Variants in ASB5 observed in about 807,000 individuals in gnomAD.
ASB5 encodes the protein ankyrin repeat and SOCS box protein 5.
A neutral mutation model predicts 42.1 loss-of-function variants in ASB5; 45 were observed. The ratio of observed to expected loss-of-function variants is 1.07; its 90% confidence interval spans 0.84 to 1.37. The LOEUF is 1.37. Ranked by LOEUF, ASB5 falls within the 40% of genes most tolerant of loss-of-function variation. The pLI, the probability that ASB5 is intolerant of heterozygous loss-of-function variation, is 0.00. For synonymous variants in ASB5, 147 were observed against 150.6 expected, an observed-to-expected ratio of 0.98 and a Z score of 0.18; for missense variants, 402 against 399.8, an observed-to-expected ratio of 1.01 and a Z score of -0.05.
upstream of ASB5, chr4:176,269,281 A>G (rs1423665666): frequency 6.8e-6 from 3 of 444,190 alleles, no homozygotes; most frequent in Non-Finnish European, 7.8e-6. Context: ...GCAAACTCCT[A>G]TTGGTCTGAA....
intron 1 of ASB5, among the ~76,000 whole-genome samples, chr4:176,226,270 C>A (rs914315245): frequency 7.2e-5 from 11 of 152,072 alleles, no homozygotes; most frequent in Non-Finnish European, 1.6e-4. Context: ...ACACTCTCCT[C>A]GAGTTGGGAC....
chr4:176,264,038 T>C (rs983042594), intron 1 of ASB5, among the ~76,000 whole-genome samples: 1 of 117,818 alleles, frequency 8.5e-6, no homozygotes, highest in African/African-American at 3.1e-5. Context: ...ACCACAGACT[T>C]GACAAAAAAA....
At chr4:176,218,123 CTATA>C (rs796721294) in intron 5 of ASB5, among the ~76,000 whole-genome samples, 1 of 139,346 alleles carries the variant, frequency 7.2e-6, no homozygotes, top group African/African-American at 2.7e-5. Context: ...ACAGTAATTT[CTATA>C]TATATATATT....
intron 2 of ASB5, among the ~76,000 whole-genome samples, chr4:176,223,951 C>G (rs1579313426): frequency 6.6e-6 from 1 of 152,114 alleles, no homozygotes; most frequent in Admixed American, 6.6e-5. Context: ...TTCCTCCCAT[C>G]AAGTGATGAA....
At chr4:176,236,841 A>G (rs2126959710) in intron 1 of ASB5, among the ~76,000 whole-genome samples, 1 of 152,222 alleles carries the variant, frequency 6.6e-6, no homozygotes, top group African/African-American at 2.4e-5. Flanking sequence ...TCTATCTTTC[A>G]TAGTTTTCTA....
chr4:176,214,999 GA>G lies in ASB5; in HGVS notation c.*600del, dbSNP rs1752927263. 6.8e-6 allele frequency: 1 copy of G among 146,928 alleles called. No individual in the cohort carries two copies. Among genetic ancestry groups the G allele is most frequent in the African/African-American group, 2.5e-5 (1 of 39,746 alleles). 9.1% of individuals were successfully genotyped at this position (146,928 alleles called of 1,614,324 possible). On this transcript the variant is annotated 3_prime_UTR_variant, in exon 7 of 7. Transcript: ENST00000296525. The stretch of plus-strand genomic sequence containing the variant: ...CTGTAACAAGTCCATGTACTATGGA[GA>G]AGAGAAGTGACTTGTGAGTCCTTTG...
intron 5 of ASB5, among the ~76,000 whole-genome samples, chr4:176,219,292 AT>A (rs1753101633): frequency 9.0e-6 from 1 of 110,848 alleles, no homozygotes; most frequent in African/African-American, 3.5e-5. Flanking sequence ...ATAAATATAT[AT>A]ATTTGTATGA....
rs540790718 is a variant in ASB5 at position 176,217,618 on chromosome 4, C to T, written c.671-609G>A. Among the ~76,000 whole-genome samples, 8 of 152,176 alleles carry T rather than the reference C, an allele frequency of 5.3e-5. No individual in the cohort carries two copies. The East Asian group carries it at 1.5e-3, about 29-fold the overall frequency. On this transcript the variant is annotated intron_variant, in intron 5 of 6. Transcript: ENST00000296525. ...TCAAAAGGCACATTGATGATATCTG[C>T]ATGAAAGGAAAGCTTTTAAAAATGC...
At position 176,214,863 on chromosome 4, in the gene ASB5, CA is replaced by C. The variant is rs1274585405; in HGVS notation, c.*736del. ...TATAACCGCCTTGATAAGAGATCAT[CA>C]GGGGCTACTCCTGAGAAGGAGGCAG... On this transcript the variant is annotated 3_prime_UTR_variant, in exon 7 of 7. Coordinates refer to ENST00000296525, the MANE Select transcript of ASB5 (RefSeq NM_080874.4). The C allele has an allele frequency of 6.6e-6, 1 of 152,076 alleles. No homozygotes were observed. Among genetic ancestry groups the C allele is most frequent in the Admixed American group, 6.6e-5 (1 of 15,246 alleles). The allele number at this position is 152,076 out of a possible 1,614,324, so 9.4% of individuals were successfully genotyped here. A position where few individuals can be genotyped will look rare whatever the true frequency, so the allele number is the denominator to read the frequency against.
chr4:176,223,480 A>T (rs1430345653), intron 2 of ASB5, among the ~76,000 whole-genome samples: 3 of 152,206 alleles, frequency 2.0e-5, no homozygotes, highest in African/African-American at 7.2e-5. Context: ...TACTATTAGG[A>T]TGTGAGATTG....
Position 176,251,564 on chromosome 4 carries a change from T to TAAAAA in ASB5, c.196+17344_196+17348dup, listed in dbSNP as rs34392287. On this transcript the variant is annotated intron_variant, in intron 1 of 6. Coordinates refer to ENST00000296525, the MANE Select transcript of ASB5 (RefSeq NM_080874.4). The stretch of plus-strand genomic sequence containing the variant: ...GCGACACAGTGAGACTCTGTCTCAT[T>TAAAAA]AAAAAAAAAAAAAAAAAAAAAAAAA... Among the ~76,000 whole-genome samples, 22 of 10,376 alleles carry TAAAAA rather than the reference T, an allele frequency of 2.1e-3. 4 individuals carry two copies. The highest frequency in any genetic ancestry group is 8.2e-3 in the African/African-American group (21 of 2,546). 6.8% of individuals were successfully genotyped at this position (10,376 alleles called of 152,430 possible). A position where few individuals can be genotyped will look rare whatever the true frequency, so the allele number is the denominator to read the frequency against.
intron 1 of ASB5, among the ~76,000 whole-genome samples, chr4:176,263,119 A>AAGGGCAATACTAAT (rs1754294754): frequency 6.6e-6 from 1 of 152,012 alleles, no homozygotes; most frequent in Admixed American, 6.6e-5. Flanking sequence ...TTAGTTTCGG[A>AAGGGCAATACTAAT]GAGTTCTGGT....
chr4:176,230,238 T>A (rs1383620817), intron 1 of ASB5, among the ~76,000 whole-genome samples: 2 of 152,188 alleles, frequency 1.3e-5, no homozygotes, highest in Non-Finnish European at 2.9e-5. Flanking sequence ...TTAAGATGAG[T>A]TTTAGGGAAC....
chr4:176,247,313 C>T (rs962176182), intron 1 of ASB5, among the ~76,000 whole-genome samples: 1 of 152,084 alleles, frequency 6.6e-6, no homozygotes, highest in African/African-American at 2.4e-5. Flanking sequence ...AAAAATGCAA[C>T]AAGTATTGTG....
intron 1 of ASB5, among the ~76,000 whole-genome samples, chr4:176,249,790 GC>G (rs1264932086): frequency 1.3e-5 from 2 of 152,030 alleles, no homozygotes; most frequent in Non-Finnish European, 2.9e-5. Flanking sequence ...AGTTGGCCGG[GC>G]GCGGTGGCTC....
At chr4:176,245,060 AG>A (rs577999350) in intron 1 of ASB5, among the ~76,000 whole-genome samples, 1 of 152,212 alleles carries the variant, frequency 6.6e-6, no homozygotes, top group Non-Finnish European at 1.5e-5. Context: ...AGGAGTTCCC[AG>A]ATAAACTTAA....
intron 1 of ASB5, chr4:176,241,394 G>C (rs1273959713): frequency 7.8e-7 from 1 of 1,288,838 alleles, no homozygotes; most frequent in Non-Finnish European, 1.1e-6. Context: ...TTACTATTAA[G>C]GGCTCACTAA....
intron 1 of ASB5, chr4:176,237,445 C>A (rs1202365421): frequency 1.0e-6 from 1 of 985,788 alleles, no homozygotes. Context: ...TTGTCTGTGA[C>A]AACCAGGTGT....
chr4:176,220,873 A>T (rs1024980852), intron 5 of ASB5, among the ~76,000 whole-genome samples: 1 of 152,204 alleles, frequency 6.6e-6, no homozygotes, highest in Non-Finnish European at 1.5e-5. Flanking sequence ...GAGCTTTCAG[A>T]ATCCATTACA....
Sources: allele counts gnomAD v4.1 joint callset (sites outside exome capture counted in the v4.1 genomes callset), GRCh38; gene constraint gnomAD v4.1.1; transcripts MANE v1.5; gene names NCBI Gene and HGNC (gene_info 2026-07-23, HGNC 2026-07-21).